C8orf34: variants seen among roughly 807,000 people sequenced by gnomAD.
The protein encoded by C8orf34 is uncharacterized protein C8orf34.
A neutral mutation model predicts 68.3 loss-of-function variants in C8orf34; 65 were observed. The ratio of observed to expected loss-of-function variants is 0.95; its 90% CI spans 0.78 to 1.17. The LOEUF (loss-of-function observed/expected upper bound fraction) is 1.17, where lower values mean the gene tolerates loss of function less well. Among genes scored for constraint, C8orf34 ranks in the 50% most tolerant of loss-of-function variants. The probability of loss-of-function intolerance (pLI) is 0.00; values close to 1 mark genes in which losing one functional copy is unlikely to be tolerated. For synonymous variants in C8orf34, 244 were observed against 241.2 expected (o/e 1.01, Z -0.11); for missense variants, 664 against 655.4 (o/e 1.01, Z -0.14).
At chr8:68,644,181 G>A (rs1279385283) in intron 8 of C8orf34, among the ~76,000 whole-genome samples, 4 of 152,176 alleles carry the variant, frequency 2.6e-5, no homozygotes, top group Admixed American at 2.6e-4. Flanking sequence ...GGAAAGAAAA[G>A]TAAATACTCA....
At chr8:68,383,260 G>T (rs1517126) in intron 1 of C8orf34, among the ~76,000 whole-genome samples, 106,265 of 152,016 alleles carry the variant, frequency 0.7, 37,437 homozygotes, top group African/African-American at 0.77. Flanking sequence ...TCAACTGTAC[G>T]ATGTAGAGCA....
At chr8:68,591,277 G>A (rs960092343) in intron 7 of C8orf34, among the ~76,000 whole-genome samples, 3 of 152,122 alleles carry the variant, frequency 2.0e-5, no homozygotes, top group Admixed American at 6.5e-5. Context: ...GAGACCATAA[G>A]AGGAAGATTA....
chr8:68,711,303 A>G (rs1449365885), intron 9 of C8orf34, among the ~76,000 whole-genome samples: 1 of 152,196 alleles, frequency 6.6e-6, no homozygotes, highest in African/African-American at 2.4e-5. Context: ...CAAGCAATGG[A>G]TCCAAGTCAA....
At chr8:68,654,379 G>A (rs1323972104) in intron 8 of C8orf34, among the ~76,000 whole-genome samples, 1 of 152,088 alleles carries the variant, frequency 6.6e-6, no homozygotes. Flanking sequence ...GATGAAAAGC[G>A]ATTGCTTCTT....
In C8orf34 at chr8:68,775,932, C is replaced by T. The variant is rs147167093; in HGVS notation, c.1405-467C>T. The stretch of plus-strand genomic sequence containing the variant: ...GAAAACCAAACACAGCATGTTCTCA[C>T]TCATAAGTGGGAGCTGAACAATGAG... On this transcript the variant is annotated intron_variant, in intron 10 of 13. Coordinates refer to ENST00000518698, the MANE Select transcript of C8orf34 (RefSeq NM_052958.4). Among the ~76,000 whole-genome samples, 788 of 152,210 alleles carry T rather than the reference C, an allele frequency of 5.2e-3. 6 individuals are homozygous for T. Among genetic ancestry groups the T allele is most frequent in the African/African-American group, 0.018 (745 of 41,536 alleles).
chr8:68,504,237 T>G (rs2129632800), intron 5 of C8orf34, among the ~76,000 whole-genome samples: 1 of 152,340 alleles, frequency 6.6e-6, no homozygotes, highest in Non-Finnish European at 1.5e-5. Flanking sequence ...GTTTTCAAGG[T>G]TTGTCTATGT....
intron 5 of C8orf34, among the ~76,000 whole-genome samples, chr8:68,503,780 A>C (rs913492762): frequency 6.6e-6 from 1 of 151,872 alleles, no homozygotes; most frequent in Non-Finnish European, 1.5e-5. Flanking sequence ...GACATGGAAT[A>C]AACGTTCACC....
intron 7 of C8orf34, among the ~76,000 whole-genome samples, chr8:68,549,494 G>A (rs1815994208): frequency 6.6e-6 from 1 of 151,652 alleles, no homozygotes; most frequent in African/African-American, 2.4e-5. Context: ...ATTTTATATT[G>A]ATACATACAT....
At chr8:68,614,379 A>T (rs1403138640) in intron 7 of C8orf34, among the ~76,000 whole-genome samples, 1 of 152,114 alleles carries the variant, frequency 6.6e-6, no homozygotes, top group Non-Finnish European at 1.5e-5. Flanking sequence ...CTATGTCCTG[A>T]ATGGTAATGC....
At chr8:68,335,260 A>G (rs1327004481) in intron 1 of C8orf34, among the ~76,000 whole-genome samples, 1 of 152,214 alleles carries the variant, frequency 6.6e-6, no homozygotes, top group Non-Finnish European at 1.5e-5. Context: ...TTAATGTTTA[A>G]AAATAATTTG....
At chr8:68,600,872 AT>A (rs1481270345) in intron 7 of C8orf34, among the ~76,000 whole-genome samples, 2 of 152,174 alleles carry the variant, frequency 1.3e-5, no homozygotes, top group African/African-American at 2.4e-5. Flanking sequence ...CTTCCATCTA[AT>A]TGTATGTTTG....
intron 7 of C8orf34, among the ~76,000 whole-genome samples, chr8:68,559,894 G>A (rs1816369308): frequency 6.6e-6 from 1 of 152,150 alleles, no homozygotes; most frequent in Non-Finnish European, 1.5e-5. Context: ...AAGATCCATG[G>A]AGTTGATGGA....
intron 7 of C8orf34, among the ~76,000 whole-genome samples, chr8:68,541,664 G>A (rs1815706738): frequency 6.6e-6 from 1 of 152,086 alleles, no homozygotes; most frequent in African/African-American, 2.4e-5. Flanking sequence ...GCTCCACATA[G>A]TTAGAAATTA....
intron 8 of C8orf34, among the ~76,000 whole-genome samples, chr8:68,682,413 C>T (rs117835404): frequency 0.024 from 3,647 of 152,148 alleles, 64 homozygotes; most frequent in Non-Finnish European, 0.038. Flanking sequence ...TAGATTGGTG[C>T]CTTCTCCATT....
At position 68,776,459 on chromosome 8, in the gene C8orf34, A is replaced by G. The variant is rs780607116; in HGVS notation, c.1455+10A>G. On this transcript the variant is annotated intron_variant, in intron 11 of 13. Coordinates refer to ENST00000518698, the MANE Select transcript of C8orf34 (RefSeq NM_052958.4). ...AAACTACATGGAAGAAGTGAGTTTT[A>G]AGGTTGCTTTATAATGTAGTCTGAA... is the stretch of plus-strand genomic sequence containing the variant. 1.8e-5 allele frequency: 29 copies of G among 1,608,942 alleles called. No homozygotes were observed. The highest frequency in any genetic ancestry group is 2.7e-5 in the African/African-American group (2 of 74,796).
chr8:68,537,325 T>A (rs1028159296), intron 7 of C8orf34, among the ~76,000 whole-genome samples: 37 of 152,192 alleles, frequency 2.4e-4, no homozygotes, highest in Admixed American at 2.2e-3. Flanking sequence ...GAAACTCTTT[T>A]TATCTCTTTG....
intron 10 of C8orf34, among the ~76,000 whole-genome samples, chr8:68,763,128 A>G (rs561492217): frequency 2.6e-5 from 4 of 152,158 alleles, no homozygotes; most frequent in Admixed American, 6.5e-5. Flanking sequence ...TTTTCAGTTC[A>G]TGCTACAATA....
At chr8:68,446,260 C>T (rs1391730395) in intron 2 of C8orf34, 69 bp from the exon 3 acceptor site, 8 of 1,331,452 alleles carry the variant, frequency 6.0e-6, no homozygotes, top group African/African-American at 4.4e-5. Context: ...TTAATGACTT[C>T]GTGGACTTGG....
At chr8:68,777,707 A>G (rs192204412) in intron 11 of C8orf34, among the ~76,000 whole-genome samples, 1 of 152,310 alleles carries the variant, frequency 6.6e-6, no homozygotes, top group East Asian at 1.9e-4. Context: ...GTCTTTTCCA[A>G]CGTTCTTTCT....
Sources: allele counts gnomAD v4.1 joint callset (sites outside exome capture counted in the v4.1 genomes callset), GRCh38; gene constraint gnomAD v4.1.1; transcripts MANE v1.5; gene names NCBI Gene and HGNC (gene_info 2026-07-23, HGNC 2026-07-21).